KLB: variants seen among roughly 807,000 people sequenced by gnomAD.
KLB encodes the protein klotho beta, also known as beta-klotho.
A neutral mutation model predicts 88.4 loss-of-function variants in KLB; 44 were observed. That is an observed-to-expected ratio of 0.50 (90% CI 0.39 to 0.64). KLB has a LOEUF of 0.64. Ranked by LOEUF, KLB falls within the 30% of genes least tolerant of loss-of-function variation. The pLI is 0.00. For synonymous variants in KLB, 548 were observed against 513.4 expected (o/e 1.07, Z -0.91); for missense variants, 1,137 against 1,304.8 (o/e 0.87, Z 1.98).
rs1743739391 is a variant in KLB, at chr4:39,446,115, T to C, written c.1606-217T>C. 6.6e-6 allele frequency among the ~76,000 whole-genome samples: 1 copy of C among 152,158 alleles called. No individual in the cohort carries two copies. Among genetic ancestry groups the C allele is most frequent in the African/African-American group, 2.4e-5 (1 of 41,438 alleles). ...GTTTAAAGTTAAATGAACTGGAAAATGGCTTCCCAATGTTTTCTCAAACAA... is the reference window on the plus strand; with the variant it reads ...GTTTAAAGTTAAATGAACTGGAAAACGGCTTCCCAATGTTTTCTCAAACAA... On this transcript the variant is annotated intron_variant, in intron 3 of 4. Transcript: ENST00000257408. The surrounding 1 kb of genome is among the most constrained non-coding windows in gnomAD (Gnocchi z 6.4).
At chr4:39,447,553 G>C (rs1469221509) in intron 4 of KLB, 78 bp downstream of exon 4, 2 of 1,254,488 alleles carry the variant, frequency 1.6e-6, no homozygotes, top group South Asian at 1.5e-5. Context: ...GGGAGCAGCA[G>C]GCTGGTGCCT....
chr4:39,413,448 G>C (rs1742902337), intron 1 of KLB, among the ~76,000 whole-genome samples: 1 of 152,062 alleles, frequency 6.6e-6, no homozygotes, highest in Non-Finnish European at 1.5e-5. Context: ...AGTTGCTCCT[G>C]CCTGTAATCC....
chr4:39,407,687 T>C lies in KLB; in HGVS notation c.738T>C (p.Ala246=), dbSNP rs147372707. ...WITIHNPYLV[A]WHGYGTGMHA... ...CAATTCACAACCCATATCTAGTGGC[T>C]TGGCATGGGTATGGGACAGGTATGC... Residue 246 remains alanine (A), a synonymous_variant, in exon 1 of 5, where the codon GCT becomes GCC. Coordinates refer to ENST00000257408, the MANE Select transcript of KLB (RefSeq NM_175737.4). The C allele has an allele frequency of 1.1e-4, 182 of 1,614,186 alleles. 3 individuals are homozygous for C. In the African/African-American group the frequency reaches 2.1e-3, roughly 19 times the overall value.
intron 1 of KLB, among the ~76,000 whole-genome samples, chr4:39,430,345 G>GA (rs1029556052): frequency 1.5e-5 from 2 of 129,884 alleles, no homozygotes; most frequent in African/African-American, 2.7e-5. Context: ...TGACTGGTTA[G>GA]AAAAAAACAA....
At position 39,424,559 on chromosome 4, in the gene KLB, T is replaced by G. The variant is rs140697570; in HGVS notation, c.826-9651T>G. On this transcript the variant is annotated intron_variant, in intron 1 of 4. Coordinates refer to ENST00000257408, the MANE Select transcript of KLB (RefSeq NM_175737.4). ...CATTAGGCTCACAGTAAATCTGGCTTTGCTGCAGGCTCTACACGTGATGGC... is the reference window on the plus strand; with the variant it reads ...CATTAGGCTCACAGTAAATCTGGCTGTGCTGCAGGCTCTACACGTGATGGC... 2.2e-4 allele frequency among the ~76,000 whole-genome samples: 33 copies of G among 151,808 alleles called. 2 individuals are homozygous for G. Among genetic ancestry groups the G allele is most frequent in the African/African-American group, 7.3e-4 (30 of 41,124 alleles).
At chr4:39,423,154 GC>G (rs1743126462) in intron 1 of KLB, among the ~76,000 whole-genome samples, 1 of 151,928 alleles carries the variant, frequency 6.6e-6, no homozygotes, top group Non-Finnish European at 1.5e-5. Context: ...GATTCACTTA[GC>G]TTTTGACATC....
chr4:39,408,393 C>A (rs1742772210), intron 1 of KLB, among the ~76,000 whole-genome samples: 1 of 151,904 alleles, frequency 6.6e-6, no homozygotes, highest in Admixed American at 6.6e-5. Context: ...AATTTTCAAG[C>A]AATATATTTC....
rs578252086 is a variant in KLB at position 39,448,189 on chromosome 4, CACT to C, written c.2750-109_2750-107del. 8.0e-3 allele frequency: 5,873 copies of C among 729,944 alleles called. 41 individuals are homozygous for C. Among genetic ancestry groups the C allele is most frequent in the Non-Finnish European group, 0.012 (5,400 of 459,262 alleles). 45.2% of individuals were successfully genotyped at this position (729,944 alleles called of 1,614,324 possible). A position where few individuals can be genotyped will look rare whatever the true frequency, so the allele number is the denominator to read the frequency against. The stretch of plus-strand genomic sequence containing the variant: ...TCAAAAAAAACCCTCTAATAAAAAT[CACT>C]ACCTTTATTATGGGCATAATTTTAG... On this transcript the variant is annotated intron_variant, in intron 4 of 4. Coordinates refer to ENST00000257408, the MANE Select transcript of KLB (RefSeq NM_175737.4).
At chr4:39,431,412 C>T (rs979989158) in intron 1 of KLB, among the ~76,000 whole-genome samples, 1 of 152,108 alleles carries the variant, frequency 6.6e-6, no homozygotes, top group African/African-American at 2.4e-5. Context: ...CCACCACGAC[C>T]GGCTAATTTT....
intron 1 of KLB, among the ~76,000 whole-genome samples, chr4:39,425,538 T>G (rs1014949950): frequency 6.6e-6 from 1 of 152,202 alleles, no homozygotes; most frequent in African/African-American, 2.4e-5. Context: ...CCTGCTGGAC[T>G]CAAGTGATCC....
intron 1 of KLB, among the ~76,000 whole-genome samples, chr4:39,431,549 C>T (rs1743362557): frequency 6.6e-6 from 1 of 152,166 alleles, no homozygotes; most frequent in Admixed American, 6.5e-5. Flanking sequence ...CCATGCCCGG[C>T]CCGAGGAAAG....
intron 3 of KLB, among the ~76,000 whole-genome samples, chr4:39,442,926 A>G (rs1304063684): frequency 6.6e-6 from 1 of 152,170 alleles, no homozygotes; most frequent in African/African-American, 2.4e-5. Flanking sequence ...TCCTTTATAG[A>G]TTAAAAAAAT....
chr4:39,435,484 GGT>G (rs1560650825), intron 2 of KLB, among the ~76,000 whole-genome samples: 2 of 141,306 alleles, frequency 1.4e-5, no homozygotes, highest in Non-Finnish European at 3.1e-5. Context: ...GGAATGCAGT[GGT>G]GCAATCTCAG....
At chr4:39,438,181 T>C (rs1743524021) in intron 3 of KLB, among the ~76,000 whole-genome samples, 186 bp downstream of exon 3, 2 of 152,056 alleles carry the variant, frequency 1.3e-5, no homozygotes, top group Admixed American at 6.6e-5. Context: ...GAGCCTTTCA[T>C]GGGCCAGAAC....
chr4:39,435,346 G>A (rs966749530), intron 2 of KLB, among the ~76,000 whole-genome samples: 9 of 151,874 alleles, frequency 5.9e-5, no homozygotes, highest in Admixed American at 5.9e-4. Context: ...TCGAGCTCCT[G>A]ACCTCAAGTG....
In KLB at chr4:39,407,674, C is replaced by T. The variant is rs780430954; in HGVS notation, c.725C>T (p.Pro242Leu). 3.1e-6 allele frequency: 5 copies of T among 1,613,912 alleles called. No homozygotes were observed. The highest frequency in any genetic ancestry group is 4.2e-6 in the Non-Finnish European group (5 of 1,179,962). The change falls in exon 1 of 5, where the codon CCA (proline) becomes CTA (leucine). Residue 242 changes from proline to leucine, a missense_variant. Pro to Leu is a moderately conservative substitution (Grantham distance 98). Coordinates refer to ENST00000257408, the MANE Select transcript of KLB (RefSeq NM_175737.4). ...AAATATTGGATTACAATTCACAACC[C>T]ATATCTAGTGGCTTGGCATGGGTAT... ...RVKYWITIHN[P>L]YLVAWHGYGT...
intron 2 of KLB, among the ~76,000 whole-genome samples, chr4:39,435,407 C>T (rs866406977): frequency 7.2e-5 from 11 of 152,140 alleles, no homozygotes; most frequent in South Asian, 2.1e-4. Context: ...CATGAGCCAC[C>T]GCACCCAGCC....
At chr4:39,410,783 T>C (rs1031903141) in intron 1 of KLB, among the ~76,000 whole-genome samples, 3 of 152,228 alleles carry the variant, frequency 2.0e-5, no homozygotes, top group African/African-American at 7.2e-5. Context: ...TATGGACCCC[T>C]TCATTCCCCA....
intron 1 of KLB, among the ~76,000 whole-genome samples, chr4:39,416,597 G>C (rs996152106): frequency 6.6e-6 from 1 of 152,104 alleles, no homozygotes; most frequent in Non-Finnish European, 1.5e-5. Context: ...CCTAAGCAAC[G>C]TAGTGAGACT....
Sources: allele counts gnomAD v4.1 joint callset (sites outside exome capture counted in the v4.1 genomes callset), GRCh38; gene constraint gnomAD v4.1.1; non-coding constraint Gnocchi (gnomAD v3.1); transcripts MANE v1.5; gene names NCBI Gene and HGNC (gene_info 2026-07-23, HGNC 2026-07-21).